Variants in IQGAP2 observed in about 807,000 individuals in gnomAD.
The protein encoded by IQGAP2 is ras GTPase-activating-like protein IQGAP2.
In IQGAP2, 173 loss-of-function variants were observed where a neutral mutation model predicts 201.3. That is an observed-to-expected ratio of 0.86 (90% CI 0.76 to 0.98). The LOEUF is 0.98. Ranked by LOEUF, IQGAP2 falls within the 50% of genes least tolerant of loss-of-function variation. The probability of loss-of-function intolerance (pLI) is 0.00; values close to 1 mark genes in which losing one functional copy is unlikely to be tolerated. For missense variants in IQGAP2, 1,687 were observed against 1,864.8 expected (o/e 0.90, Z 1.76); for synonymous variants, 675 against 673.9 (o/e 1.00, Z -0.03).
chr5:76,406,537 T>C (rs1750804975), intron 1 of IQGAP2, among the ~76,000 whole-genome samples: 2 of 152,272 alleles, frequency 1.3e-5, no homozygotes, highest in Admixed American at 6.5e-5. Flanking sequence ...AGTATTTTTC[T>C]ATACTCAACC....
chr5:76,609,461 G>A (rs1311616440), intron 12 of IQGAP2, among the ~76,000 whole-genome samples: 5 of 152,144 alleles, frequency 3.3e-5, no homozygotes, highest in Non-Finnish European at 7.3e-5. Flanking sequence ...ATGATTTCTA[G>A]GAGTTTTAGA....
chr5:76,471,383 A>AG (rs1755097961), intron 2 of IQGAP2, among the ~76,000 whole-genome samples: 1 of 151,874 alleles, frequency 6.6e-6, no homozygotes, highest in Non-Finnish European at 1.5e-5. Flanking sequence ...AAAAAAAAAA[A>AG]AAACACCCTT....
chr5:76,497,307 G>A (rs756896050), intron 2 of IQGAP2, among the ~76,000 whole-genome samples: 5 of 152,158 alleles, frequency 3.3e-5, no homozygotes, highest in African/African-American at 9.7e-5. Context: ...CTTTGAAAAC[G>A]TGGCTGTCTG....
intron 24 of IQGAP2, among the ~76,000 whole-genome samples, chr5:76,673,066 TAAA>T (rs1389382205): frequency 2.6e-5 from 4 of 151,840 alleles, no homozygotes; most frequent in Non-Finnish European, 4.4e-5. Flanking sequence ...AATAATAAAA[TAAA>T]AAATAATTAA....
At chr5:76,692,146 A>G (rs6883768) in intron 30 of IQGAP2, among the ~76,000 whole-genome samples, 35,441 of 152,040 alleles carry the variant, frequency 0.23, 4,945 homozygotes, top group South Asian at 0.41. Context: ...CTTTCTTTCT[A>G]TCTATCTATC....
In IQGAP2 at chr5:76,674,698, T is replaced by C. The variant is rs1744649906; in HGVS notation, c.3516T>C (p.Tyr1172=). ...SSMNNYLSET[Y]QEFRKYFKEA... is the part of the protein sequence containing the mutation. ...TGAACAATTATTTATCAGAGACGTA[T>C]CAGGAATTCAGGTGAGAGGGGCCCT... The change falls in exon 27 of 36, where the codon TAT becomes TAC. Residue 1172 remains tyrosine, a synonymous_variant. Coordinates refer to ENST00000274364, the MANE Select transcript of IQGAP2 (RefSeq NM_006633.5). 1 of 1,610,338 alleles carries C rather than the reference T, an allele frequency of 6.2e-7. No homozygotes were observed. Among genetic ancestry groups the C allele is most frequent in the Non-Finnish European group, 8.5e-7 (1 of 1,176,678 alleles).
intron 1 of IQGAP2, among the ~76,000 whole-genome samples, chr5:76,418,942 C>T (rs562707840): frequency 1.3e-5 from 2 of 152,230 alleles, no homozygotes; most frequent in Admixed American, 1.3e-4. Context: ...CTATTATCCA[C>T]GCCCTTGACT....
At chr5:76,420,351 A>G (rs920280890) in intron 1 of IQGAP2, among the ~76,000 whole-genome samples, 1 of 150,630 alleles carries the variant, frequency 6.6e-6, no homozygotes, top group Non-Finnish European at 1.5e-5. Context: ...TTGTATAACC[A>G]TCATCACGAT....
intron 30 of IQGAP2, 26 bp from the exon 31 acceptor site, chr5:76,693,329 T>G (rs370301901): frequency 6.5e-7 from 1 of 1,545,084 alleles, no homozygotes; most frequent in Non-Finnish European, 8.9e-7. Flanking sequence ...AGTCTGAAAG[T>G]CTGTCTCTTT....
intron 2 of IQGAP2, among the ~76,000 whole-genome samples, chr5:76,476,927 C>T (rs575583492): frequency 1.3e-5 from 2 of 152,240 alleles, no homozygotes; most frequent in African/African-American, 4.8e-5. Flanking sequence ...TAAAGATTCA[C>T]CGAGCAACAC....
chr5:76,654,148 G>C, intron 18 of IQGAP2, 52 bp from the exon 19 acceptor site: 8 of 1,272,850 alleles, frequency 6.3e-6, no homozygotes, highest in Non-Finnish European at 9.0e-6. Context: ...TGATTACTTT[G>C]ACTTTTCTCT....
intron 2 of IQGAP2, among the ~76,000 whole-genome samples, chr5:76,463,831 CT>C (rs1268088299): frequency 2.0e-5 from 3 of 151,426 alleles, no homozygotes; most frequent in African/African-American, 7.3e-5. Flanking sequence ...GACACAAATA[CT>C]TTTTTTCTTT....
intron 2 of IQGAP2, among the ~76,000 whole-genome samples, chr5:76,507,069 G>A (rs1757642776): frequency 6.6e-6 from 1 of 152,168 alleles, no homozygotes; most frequent in South Asian, 2.1e-4. Flanking sequence ...CAATATTGAA[G>A]GAGAAGAACA....
intron 1 of IQGAP2, among the ~76,000 whole-genome samples, chr5:76,451,974 T>C (rs1341592941): frequency 6.6e-6 from 1 of 152,052 alleles, no homozygotes; most frequent in African/African-American, 2.4e-5. Context: ...GAGGTGGAGG[T>C]TGCAGTGAGC....
chr5:76,539,870 T>C (rs1742640268), intron 2 of IQGAP2, among the ~76,000 whole-genome samples: 1 of 152,172 alleles, frequency 6.6e-6, no homozygotes, highest in South Asian at 2.1e-4. Flanking sequence ...AGGATATTAG[T>C]AATATTCTCT....
intron 2 of IQGAP2, among the ~76,000 whole-genome samples, chr5:76,523,803 A>T (rs2150198118): frequency 6.6e-6 from 1 of 152,308 alleles, no homozygotes; most frequent in South Asian, 2.1e-4. Flanking sequence ...AATTGAGATG[A>T]TTAGGAGAAA....
At chr5:76,611,256 G>A (rs2150342377) in intron 13 of IQGAP2, 73 bp downstream of exon 13, 4 of 1,179,752 alleles carry the variant, frequency 3.4e-6, no homozygotes, top group Middle Eastern at 2.0e-4. Flanking sequence ...AGGAGGATTT[G>A]ACCCATTTAC....
intron 1 of IQGAP2, among the ~76,000 whole-genome samples, chr5:76,415,942 C>CAAA (rs11394699): frequency 5.7e-4 from 77 of 135,726 alleles, no homozygotes; most frequent in African/African-American, 1.6e-3. Flanking sequence ...GTAACTGTCT[C>CAAA]AAAAAAAAAA....
chr5:76,606,111 G>C (rs1171750619), intron 11 of IQGAP2, 68 bp from the exon 12 acceptor site: 1 of 1,387,256 alleles, frequency 7.2e-7, no homozygotes, highest in African/African-American at 1.5e-5. Context: ...ATGTGTCATA[G>C]TTGAGAAACA....
Sources: gnomAD v4.1 joint callset for allele counts (sites outside exome capture counted in the v4.1 genomes callset) on GRCh38, gnomAD v4.1.1 for gene constraint, MANE v1.5 for transcripts, NCBI Gene and HGNC (gene_info 2026-07-23, HGNC 2026-07-21) for gene names.